Variants in TIMP2 observed in about 807,000 individuals in gnomAD.
TIMP2 encodes metalloproteinase inhibitor 2.
A neutral mutation model predicts 24.3 loss-of-function variants in TIMP2; 5 were observed. That is an observed-to-expected ratio of 0.21 (90% CI 0.11 to 0.43). The LOEUF (loss-of-function observed/expected upper bound fraction) is 0.43. TIMP2 is among the 20% of genes least tolerant of loss of function. The pLI, the probability that TIMP2 is intolerant of heterozygous loss-of-function variation, is 1.00. For missense variants in TIMP2, 221 were observed against 297.5 expected (o/e 0.74, Z 1.89); for synonymous variants, 130 against 123.2 (o/e 1.06, Z -0.37).
intron 1 of TIMP2, among the ~76,000 whole-genome samples, chr17:78,922,852 T>C (rs182182306): frequency 6.6e-6 from 1 of 152,096 alleles, no homozygotes; most frequent in African/African-American, 2.4e-5. Context: ...GAGAAGGCCA[T>C]GTGAAGACAG....
chr17:78,916,687 T>C (rs1168554287), intron 1 of TIMP2, among the ~76,000 whole-genome samples: 1 of 152,138 alleles, frequency 6.6e-6, no homozygotes, highest in Non-Finnish European at 1.5e-5. Context: ...CCCTCCTGTC[T>C]GCCCCCTCTC....
chr17:78,885,159 C>A (rs1239258121), intron 1 of TIMP2, among the ~76,000 whole-genome samples: 1 of 152,242 alleles, frequency 6.6e-6, no homozygotes, highest in East Asian at 1.9e-4. Context: ...GCCACGGAGG[C>A]CTTCCTGGGT....
chr17:78,902,983 C>A (rs7211674), intron 1 of TIMP2, among the ~76,000 whole-genome samples: 78,210 of 152,090 alleles, frequency 0.51, 20,937 homozygotes, highest in East Asian at 0.72. Context: ...CCTTGCGAAC[C>A]CACGGCTTGG....
At chr17:78,888,690 A>G (rs944256325) in intron 1 of TIMP2, among the ~76,000 whole-genome samples, 1 of 152,068 alleles carries the variant, frequency 6.6e-6, no homozygotes, top group Non-Finnish European at 1.5e-5. Flanking sequence ...GGCTCAAGTG[A>G]TCCTCCTGCG....
chr17:78,885,236 C>T (rs2069815307), intron 1 of TIMP2, among the ~76,000 whole-genome samples: 1 of 152,240 alleles, frequency 6.6e-6, no homozygotes, highest in Non-Finnish European at 1.5e-5. Flanking sequence ...ACGAAGGTTC[C>T]AGCAAATGCA....
At chr17:78,912,933 C>T (rs186957808) in intron 1 of TIMP2, among the ~76,000 whole-genome samples, 210 of 152,206 alleles carry the variant, frequency 1.4e-3, no homozygotes, top group African/African-American at 4.8e-3. Context: ...GGCCAGGCAC[C>T]GTGGCACAAG....
In TIMP2 at chr17:78,924,859, G is replaced by C; in HGVS notation, c.130+100C>G. The C allele has an allele frequency of 1.3e-6, 1 of 756,214 alleles. No individual in the cohort carries two copies. The highest frequency in any genetic ancestry group is 1.7e-6 in the Non-Finnish European group (1 of 584,322). The allele number at this position is 756,214 out of a possible 1,614,324, so 46.8% of individuals were successfully genotyped here. A position where few individuals can be genotyped will look rare whatever the true frequency, so the allele number is the denominator to read the frequency against. On this transcript the variant is annotated intron_variant, in intron 1 of 4. Transcript: ENST00000262768. The surrounding 1 kb of genome is among the most constrained non-coding windows in gnomAD (Gnocchi z 5.3). ...CCGAGGGACCAGGAGGCGGGCGCTG[G>C]GGTCCCTCGGCCAGCGGCGGGCGGG...
chr17:78,882,036 C>T, intron 1 of TIMP2, among the ~76,000 whole-genome samples: 1 of 152,204 alleles, frequency 6.6e-6, no homozygotes, highest in East Asian at 1.9e-4. Flanking sequence ...ACGACGTTGG[C>T]TCACTGCAAC....
At chr17:78,912,682 G>A (rs2070219813) in intron 1 of TIMP2, among the ~76,000 whole-genome samples, 1 of 152,218 alleles carries the variant, frequency 6.6e-6, no homozygotes, top group South Asian at 2.1e-4. Context: ...GCAATCCGGG[G>A]AGAGAGGAGC....
Position 78,860,902 on chromosome 17 carries a change from G to A in TIMP2, c.341-3256C>T, listed in dbSNP as rs150540510. ...AATATAAGAATTAGCTGGGGGTGGTGGTGCATGCCTGTAATCCCAGCTACT... is the reference window on the plus strand; with the variant it reads ...AATATAAGAATTAGCTGGGGGTGGTAGTGCATGCCTGTAATCCCAGCTACT... On this transcript the variant is annotated intron_variant, in intron 3 of 4. Transcript: ENST00000262768. 1.6e-4 allele frequency among the ~76,000 whole-genome samples: 24 copies of A among 152,042 alleles called. No homozygotes were observed. In the East Asian group the frequency reaches 1.7e-3, roughly 11 times the overall value.
At chr17:78,903,144 C>G (rs553929904) in intron 1 of TIMP2, 1 of 152,496 alleles carries the variant, frequency 6.6e-6, no homozygotes, top group Non-Finnish European at 1.5e-5. Context: ...CAAAGGTGGC[C>G]GGAATCGCTT....
In TIMP2 at chr17:78,925,308, GGGGCGGCGGGGTGGGGGGCGGCGGGC is replaced by G; in HGVS notation, c.-246_-221del. 1 of 149,494 alleles carries G rather than the reference GGGGCGGCGGGGTGGGGGGCGGCGGGC, an allele frequency of 6.7e-6. No homozygotes were observed. Among genetic ancestry groups the G allele is most frequent in the East Asian group, 2.0e-4 (1 of 5,024 alleles). The allele number at this position is 149,494 out of a possible 1,614,324, so 9.3% of individuals were successfully genotyped here. A position where few individuals can be genotyped will look rare whatever the true frequency, so the allele number is the denominator to read the frequency against. Reference sequence around the variant, plus strand: ...GGGCGCGGGGCGCAATTCGCCGGGCGGGGCGGCGGGGTGGGGGGCGGCGGGCGAGCGGCGCTGCGGTTCTCGGCGGC... The same window carrying G: ...GGGCGCGGGGCGCAATTCGCCGGGCGGAGCGGCGCTGCGGTTCTCGGCGGC... On this transcript the variant is annotated 5_prime_UTR_variant, in exon 1 of 5. Transcript: ENST00000262768.
Position 78,924,836 on chromosome 17 carries a change from GA to G in TIMP2, c.130+122del. The G allele has an allele frequency of 2.0e-6, 1 of 508,130 alleles. No individual in the cohort carries two copies. The highest frequency in any genetic ancestry group is 2.8e-6 in the Non-Finnish European group (1 of 356,958). 31.5% of individuals were successfully genotyped at this position (508,130 alleles called of 1,614,324 possible). A position where few individuals can be genotyped will look rare whatever the true frequency, so the allele number is the denominator to read the frequency against. ...CACTTGCAGGATTCGAGAAGGCGCC[GA>G]GGGACCAGGAGGCGGGCGCTGGGGT... On this transcript the variant is annotated intron_variant, in intron 1 of 4. Coordinates refer to ENST00000262768, the MANE Select transcript of TIMP2 (RefSeq NM_003255.5). The surrounding 1 kb of genome is among the most constrained non-coding windows in gnomAD (Gnocchi z 5.3).
chr17:78,919,638 T>G (rs1285362036), intron 1 of TIMP2, among the ~76,000 whole-genome samples: 1 of 152,014 alleles, frequency 6.6e-6, no homozygotes, highest in Non-Finnish European at 1.5e-5. Context: ...ATCGAGACCA[T>G]CCCGGCTAAC....
chr17:78,892,189 G>A (rs564843473), intron 1 of TIMP2: 1 of 1,551,034 alleles, frequency 6.4e-7, no homozygotes, highest in Non-Finnish European at 8.7e-7. Context: ...GCTGGAGCTG[G>A]TAGTTTTTCC....
At chr17:78,911,684 G>C (rs893102492) in intron 1 of TIMP2, among the ~76,000 whole-genome samples, 6 of 151,892 alleles carry the variant, frequency 4.0e-5, no homozygotes, top group Non-Finnish European at 7.4e-5. Flanking sequence ...GCCCACCTTG[G>C]CCTCCAAAAG....
chr17:78,891,849 G>T lies in TIMP2; in HGVS notation c.131-17930C>A, dbSNP rs1223548915. 1 of 1,550,708 alleles carries T rather than the reference G, an allele frequency of 6.4e-7. No homozygotes were observed. The highest frequency in any genetic ancestry group is 1.2e-5 in the South Asian group (1 of 84,066). On this transcript the variant is annotated intron_variant, in intron 1 of 4. Transcript: ENST00000262768. This position sits in a 1 kb window ranked among gnomAD's most constrained non-coding sequence, Gnocchi z 4.5. Reference sequence around the variant, plus strand: ...GGCCTTCCCTTTCTCTTCTCAGGCGGGGCCAGGTGAGAATTCATCCGACCC... The same window carrying T: ...GGCCTTCCCTTTCTCTTCTCAGGCGTGGCCAGGTGAGAATTCATCCGACCC...
chr17:78,864,142 G>T (rs2069589516), intron 3 of TIMP2, among the ~76,000 whole-genome samples: 1 of 152,112 alleles, frequency 6.6e-6, no homozygotes, highest in Non-Finnish European at 1.5e-5. Flanking sequence ...GTGCAGTGGT[G>T]CAGTCCTAGC....
chr17:78,884,288 C>T (rs1040394338), intron 1 of TIMP2, among the ~76,000 whole-genome samples: 2 of 152,162 alleles, frequency 1.3e-5, no homozygotes, highest in South Asian at 4.1e-4. Context: ...TGGGGGGCTG[C>T]GACAGCGCGA....
Sources: allele counts gnomAD v4.1 joint callset (sites outside exome capture counted in the v4.1 genomes callset), GRCh38; gene constraint gnomAD v4.1.1; non-coding constraint Gnocchi (gnomAD v3.1); transcripts MANE v1.5; gene names NCBI Gene and HGNC (gene_info 2026-07-23, HGNC 2026-07-21).